SLIT3: variants seen among roughly 807,000 people sequenced by gnomAD.
SLIT3 encodes the protein slit homolog 3 protein.
Under a neutral mutation model 184.0 loss-of-function variants are expected in SLIT3, and 68 were observed. That is an observed-to-expected ratio of 0.37 (90% confidence interval 0.30 to 0.45). The LOEUF is 0.45. Among genes scored for constraint, SLIT3 ranks in the 20% least tolerant of loss-of-function variants. The probability of loss-of-function intolerance (pLI) is 1.00; values close to 1 mark genes in which losing one functional copy is unlikely to be tolerated. For synonymous variants in SLIT3, 831 were observed against 828.6 expected (o/e 1.00, Z -0.05); for missense variants, 1,707 against 2,026.0 (o/e 0.84, Z 3.02).
At chr5:169,085,419 C>A (rs774179806) in intron 4 of SLIT3, among the ~76,000 whole-genome samples, 1 of 152,172 alleles carries the variant, frequency 6.6e-6, no homozygotes, top group Non-Finnish European at 1.5e-5. Context: ...GTCAATTAAT[C>A]CCACTGAAAT....
At chr5:168,819,326 T>C (rs1326472909) in intron 7 of SLIT3, among the ~76,000 whole-genome samples, 1 of 152,218 alleles carries the variant, frequency 6.6e-6, no homozygotes, top group East Asian at 1.9e-4. Context: ...GCAGTGGACT[T>C]TCAGCTGACT....
intron 1 of SLIT3, among the ~76,000 whole-genome samples, chr5:169,259,070 T>G (rs10075247): frequency 0.74 from 112,678 of 152,146 alleles, 42,836 homozygotes; most frequent in African/African-American, 0.91. Context: ...GAGGCTCAAT[T>G]GAGAAAGTAC....
Position 169,300,642 on chromosome 5 carries a change from G to A in SLIT3, c.68C>T (p.Ala23Val). 6.8e-7 allele frequency: 1 copy of A among 1,480,206 alleles called. No homozygotes were observed. The highest frequency in any genetic ancestry group is 8.9e-7 in the Non-Finnish European group (1 of 1,121,094). 91.7% of individuals were successfully genotyped at this position (1,480,206 alleles called of 1,614,324 possible). The change falls in exon 1 of 36, where the codon GCG becomes GTG. Residue 23 changes from alanine to valine, a missense_variant. Physicochemically the swap from Ala to Val is moderately conservative, Grantham distance 64. Around this residue, in one of 3 missense-constraint regions of SLIT3, gnomAD observed 1,307 missense variants for 1,511.6 expected, o/e 0.86. Transcript: ENST00000519560. The surrounding 1 kb of genome is among the most constrained non-coding windows in gnomAD (Gnocchi z 4.1). ...GGCTGGAGGCCCACTCAGGACGCTC[G>A]CCAGCGCCAAGGCCAGCGCCAGGCG... ...RARLALALAL[A>V]SVLSGPPAVA...
intron 4 of SLIT3, among the ~76,000 whole-genome samples, chr5:169,123,479 TA>T (rs1324908683): frequency 6.6e-6 from 1 of 152,184 alleles, no homozygotes; most frequent in Non-Finnish European, 1.5e-5. Context: ...AAAGGACTGA[TA>T]ATTAAAAGCG....
intron 6 of SLIT3, among the ~76,000 whole-genome samples, chr5:168,833,670 T>C (rs1261972860): frequency 1.3e-5 from 2 of 152,200 alleles, no homozygotes; most frequent in Non-Finnish European, 2.9e-5. Flanking sequence ...AAAGCTGGCT[T>C]CACTTACTAT....
intron 20 of SLIT3, among the ~76,000 whole-genome samples, chr5:168,734,008 A>G (rs1301147556): frequency 4.6e-5 from 7 of 152,180 alleles, no homozygotes; most frequent in Admixed American, 4.6e-4. Flanking sequence ...CATACCGAGT[A>G]GAATAATGGA....
At chr5:168,707,951 CG>C (rs771203820) in intron 26 of SLIT3, 24 bp downstream of exon 26, 40 of 1,613,122 alleles carry the variant, frequency 2.5e-5, no homozygotes, top group East Asian at 1.8e-4. Context: ...GGCATGAACA[CG>C]GGGGGGCAGG....
intron 4 of SLIT3, among the ~76,000 whole-genome samples, chr5:169,042,115 G>A (rs888676288): frequency 9.8e-5 from 15 of 152,286 alleles, no homozygotes; most frequent in South Asian, 6.2e-4. Context: ...AATGGATATC[G>A]TAGAACGGTC....
At chr5:168,953,677 C>T (rs563000732) in intron 4 of SLIT3, among the ~76,000 whole-genome samples, 147 of 147,290 alleles carry the variant, frequency 1.0e-3, no homozygotes, top group African/African-American at 3.8e-3. Context: ...AGCCCAGTGC[C>T]TGGCAGAGCC....
chr5:168,666,388 T>TC lies in SLIT3; in HGVS notation c.*65dup. 1 of 1,426,296 alleles carries TC rather than the reference T, an allele frequency of 7.0e-7. No individual in the cohort carries two copies. Among genetic ancestry groups the TC allele is most frequent in the Non-Finnish European group, 9.2e-7 (1 of 1,084,206 alleles). The allele number at this position is 1,426,296 out of a possible 1,614,324, so 88.4% of individuals were successfully genotyped here. ...TCCTTCATGCTGAATCACCAGGGGG[T>TC]CCCACATGGCTGTCCCAACTCCATC... On this transcript the variant is annotated 3_prime_UTR_variant, in exon 36 of 36. Transcript: ENST00000519560.
At chr5:168,927,285 C>T (rs1761860740) in intron 4 of SLIT3, among the ~76,000 whole-genome samples, 1 of 152,130 alleles carries the variant, frequency 6.6e-6, no homozygotes. Context: ...ACAAATACTG[C>T]ATGATTCCAC....
At chr5:168,801,156 C>A (rs534671601) in intron 9 of SLIT3, among the ~76,000 whole-genome samples, 1 of 152,256 alleles carries the variant, frequency 6.6e-6, no homozygotes, top group Middle Eastern at 3.4e-3. Flanking sequence ...GCTTCTCCTT[C>A]GTACCACCTG....
chr5:169,159,775 CTT>C (rs1241344906), intron 4 of SLIT3, among the ~76,000 whole-genome samples: 1 of 152,120 alleles, frequency 6.6e-6, no homozygotes, highest in Non-Finnish European at 1.5e-5. Flanking sequence ...GACTCCGTCT[CTT>C]AAACAAACAA....
rs112459660 is a variant in SLIT3, at chr5:169,229,440, C to T, written c.341+15265G>A. 7.7e-3 allele frequency among the ~76,000 whole-genome samples: 1,169 copies of T among 152,250 alleles called. 16 individuals carry two copies. The highest frequency in any genetic ancestry group is 0.027 in the African/African-American group (1,123 of 41,534). On this transcript the variant is annotated intron_variant, in intron 3 of 35. Coordinates refer to ENST00000519560, the MANE Select transcript of SLIT3 (RefSeq NM_003062.4). ...GAGTACTTTAACACATACATACTTT[C>T]TGACAACACCCTCATTCCTATCAGA...
chr5:168,881,209 C>T (rs1759938004), intron 5 of SLIT3, among the ~76,000 whole-genome samples: 1 of 152,150 alleles, frequency 6.6e-6, no homozygotes, highest in Non-Finnish European at 1.5e-5. Context: ...AGAGGGTGGT[C>T]TGATGGTGGG....
intron 5 of SLIT3, among the ~76,000 whole-genome samples, chr5:168,847,853 C>G (rs899337397): frequency 2.0e-5 from 3 of 152,112 alleles, no homozygotes; most frequent in African/African-American, 7.2e-5. Context: ...TCTGAGCTCT[C>G]AGGTCAAAGG....
In SLIT3 at chr5:169,201,160, T is replaced by A. The variant is rs1395867775; in HGVS notation, c.342-7610A>T. 5.3e-5 allele frequency among the ~76,000 whole-genome samples: 8 copies of A among 152,356 alleles called. No homozygotes were observed. In the East Asian group the frequency reaches 1.5e-3, roughly 29 times the overall value. On this transcript the variant is annotated intron_variant, in intron 3 of 35. Transcript: ENST00000519560. ...TATTCAGTATTTGATCAATGACATT[T>A]AGGCTGGCTTACATCAGTTTTGAAA... is the stretch of plus-strand genomic sequence containing the variant.
chr5:169,002,322 CAAAAAAAAAAAAAAA>C (rs397999882), intron 4 of SLIT3, among the ~76,000 whole-genome samples: 8 of 24,198 alleles, frequency 3.3e-4, no homozygotes, highest in Middle Eastern at 0.056. Flanking sequence ...GACTCTGTCT[CAAAAAAAAAAAAAAA>C]AAAAAAAAAA....
intron 4 of SLIT3, among the ~76,000 whole-genome samples, chr5:169,052,876 C>T (rs1021873238): frequency 6.6e-6 from 1 of 152,038 alleles, no homozygotes. Context: ...CACCCACCCT[C>T]CCTCACCCCA....
Sources: gnomAD v4.1 joint callset for allele counts (sites outside exome capture counted in the v4.1 genomes callset) on GRCh38, gnomAD v4.1.1 for gene constraint, gnomAD v4.1.1 regional missense constraint, Gnocchi (gnomAD v3.1) non-coding constraint, MANE v1.5 for transcripts, NCBI Gene and HGNC (gene_info 2026-07-23, HGNC 2026-07-21) for gene names.